Variants in MGLL observed in about 807,000 individuals in gnomAD.
MGLL encodes the protein monoglyceride lipase.
A neutral mutation model predicts 29.1 loss-of-function variants in MGLL; 7 were observed. The ratio of observed to expected loss-of-function variants is 0.24; its 90% CI spans 0.14 to 0.45. The LOEUF (loss-of-function observed/expected upper bound fraction) is 0.45. Among genes scored for constraint, MGLL ranks in the 20% least tolerant of loss-of-function variants. MGLL has a pLI of 0.99. For synonymous variants in MGLL, 148 were observed against 168.3 expected (o/e 0.88, Z 0.93); for missense variants, 356 against 413.6 (o/e 0.86, Z 1.21).
intron 5 of MGLL, among the ~76,000 whole-genome samples, chr3:127,719,489 A>G (rs2075878374): frequency 6.6e-6 from 1 of 152,204 alleles, no homozygotes; most frequent in Non-Finnish European, 1.5e-5. Context: ...CCTGGGCTGG[A>G]GAGGAGTTAA....
intron 3 of MGLL, among the ~76,000 whole-genome samples, chr3:127,740,715 G>A (rs1355445824): frequency 1.3e-5 from 2 of 152,220 alleles, no homozygotes; most frequent in Non-Finnish European, 2.9e-5. Flanking sequence ...GGACAATGGT[G>A]TGACGCTGGC....
chr3:127,801,054 C>A (rs2077469902), intron 2 of MGLL, among the ~76,000 whole-genome samples: 2 of 152,178 alleles, frequency 1.3e-5, no homozygotes, highest in South Asian at 4.1e-4. Flanking sequence ...GTAATCCCAG[C>A]ACTTTGGGAG....
chr3:127,763,670 T>A (rs1050433680), intron 3 of MGLL, among the ~76,000 whole-genome samples: 33 of 152,342 alleles, frequency 2.2e-4, no homozygotes, highest in Admixed American at 2.0e-3. Flanking sequence ...GTCTGTGCCC[T>A]AAGCTCGGCC....
chr3:127,775,842 G>A (rs533374472), intron 3 of MGLL, among the ~76,000 whole-genome samples: 17 of 152,294 alleles, frequency 1.1e-4, no homozygotes, highest in African/African-American at 2.6e-4. Context: ...GATTCCCACC[G>A]TCTCTCGCAG....
Position 127,773,279 on chromosome 3 carries a change from C to G in MGLL, c.262+8510G>C, listed in dbSNP as rs139991148. 4.5e-3 allele frequency among the ~76,000 whole-genome samples: 683 copies of G among 152,384 alleles called. 2 individuals carry two copies. The highest frequency in any genetic ancestry group is 0.015 in the African/African-American group (638 of 41,594). On this transcript the variant is annotated intron_variant, in intron 3 of 7. Transcript: ENST00000265052. The stretch of plus-strand genomic sequence containing the variant: ...AGACCCCTTGAACTCTAGAGCCAGA[C>G]AGCTTGGGCTTGAGTCTAGGCTCTG...
rs1207042880 is a variant in MGLL at position 127,692,326 on chromosome 3, G to T, written c.817-3C>A. 1 of 1,613,984 alleles carries T rather than the reference G, an allele frequency of 6.2e-7. No individual in the cohort carries two copies. The highest frequency in any genetic ancestry group is 8.5e-7 in the Non-Finnish European group (1 of 1,179,998). On this transcript the variant is annotated splice_region_variant and splice_polypyrimidine_tract_variant and intron_variant, in intron 7 of 7. Transcript: ENST00000265052. ...ACATGGTAGGCACCTTCATAAATCT[G>T]CAATGAGGAGAGACACGGAATCAGA...
intron 3 of MGLL, among the ~76,000 whole-genome samples, chr3:127,769,273 C>T (rs2076909763): frequency 1.3e-5 from 2 of 151,944 alleles, no homozygotes; most frequent in South Asian, 4.1e-4. Context: ...ATTGCTTGAA[C>T]CTAGGAGGAG....
At chr3:127,822,906 GGCGCGCGC>G (rs1180995416), upstream of MGLL, 1 of 155,856 alleles carries the variant, frequency 6.4e-6, no homozygotes, top group East Asian at 1.9e-4. Flanking sequence ...GAGCAGGGAG[GGCGCGCGC>G]GCGCGCACAC....
chr3:127,740,226 G>A (rs1362725564), intron 3 of MGLL, among the ~76,000 whole-genome samples: 2 of 152,204 alleles, frequency 1.3e-5, no homozygotes, highest in Non-Finnish European at 2.9e-5. Flanking sequence ...ACCACTTGTG[G>A]CATGAAGCTC....
intron 6 of MGLL, among the ~76,000 whole-genome samples, chr3:127,696,987 C>A (rs1323389701): frequency 1.3e-5 from 2 of 152,122 alleles, no homozygotes; most frequent in East Asian, 3.8e-4. Flanking sequence ...CCTGCAGTCA[C>A]CCCTGCCATC....
intron 2 of MGLL, among the ~76,000 whole-genome samples, chr3:127,792,499 C>T (rs1198972203): frequency 6.6e-6 from 1 of 152,104 alleles, no homozygotes; most frequent in Non-Finnish European, 1.5e-5. Flanking sequence ...GTCAAGAAAT[C>T]GAGACCATCC....
chr3:127,771,469 G>T, intron 3 of MGLL, among the ~76,000 whole-genome samples: 1 of 152,124 alleles, frequency 6.6e-6, no homozygotes, highest in Admixed American at 6.5e-5. Context: ...AGTAGCTCCT[G>T]CCTCAGTCTC....
At chr3:127,769,887 G>A (rs2076921013) in intron 3 of MGLL, among the ~76,000 whole-genome samples, 1 of 152,186 alleles carries the variant, frequency 6.6e-6, no homozygotes. Flanking sequence ...CGGGGCTCCT[G>A]TGAGTGCTCA....
intron 6 of MGLL, among the ~76,000 whole-genome samples, chr3:127,704,848 G>T (rs1243106265): frequency 6.6e-6 from 1 of 152,036 alleles, no homozygotes; most frequent in African/African-American, 2.4e-5. Flanking sequence ...ATTTGACCCA[G>T]CAATCCCTTT....
At chr3:127,694,281 A>AT (rs1559901941) in intron 7 of MGLL, among the ~76,000 whole-genome samples, 40 of 117,790 alleles carry the variant, frequency 3.4e-4, no homozygotes, top group African/African-American at 1.1e-3. Context: ...AAAAAAAAAA[A>AT]AAAAAATATA....
chr3:127,773,536 A>G (rs7648815), intron 3 of MGLL, among the ~76,000 whole-genome samples: 8,050 of 152,296 alleles, frequency 0.053, 691 homozygotes, highest in African/African-American at 0.18. Context: ...CTAGGCAGGT[A>G]GGGTGGACAC....
intron 3 of MGLL, among the ~76,000 whole-genome samples, chr3:127,748,758 C>T (rs1168240166): frequency 6.6e-6 from 1 of 152,158 alleles, no homozygotes; most frequent in Non-Finnish European, 1.5e-5. Context: ...TTGAAGCTCC[C>T]CAGTCTGTAG....
chr3:127,726,187 A>AGAG (rs1559926390), intron 3 of MGLL, among the ~76,000 whole-genome samples: 1 of 58,654 alleles, frequency 1.7e-5, no homozygotes, highest in Non-Finnish European at 4.1e-5. Flanking sequence ...AAAGAAAGAA[A>AGAG]AGAAAAGAAA....
intron 6 of MGLL, among the ~76,000 whole-genome samples, chr3:127,708,438 C>G (rs1297853959): frequency 6.6e-6 from 1 of 152,192 alleles, no homozygotes; most frequent in African/African-American, 2.4e-5. Context: ...GGGGCAGGAA[C>G]AGAGGAGGGG....
Sources: gnomAD v4.1 joint callset for allele counts (sites outside exome capture counted in the v4.1 genomes callset) on GRCh38, gnomAD v4.1.1 for gene constraint, MANE v1.5 for transcripts, NCBI Gene and HGNC (gene_info 2026-07-23, HGNC 2026-07-21) for gene names.